Variants in ATP2C2 observed in about 807,000 individuals in gnomAD.
ATP2C2 encodes the protein calcium-transporting ATPase type 2C member 2.
ATP2C2 carries 171 observed loss-of-function variants against 110.8 expected under a neutral mutation model. The ratio of observed to expected loss-of-function variants is 1.54; its 90% CI spans 1.36 to 1.75. The LOEUF (loss-of-function observed/expected upper bound fraction) is 1.75, where lower values mean the gene tolerates loss of function less well. Ranked by LOEUF, ATP2C2 falls within the 40% of genes most tolerant of loss-of-function variation. The pLI is 0.00. For missense variants in ATP2C2, 1,963 were observed against 1,235.0 expected, an observed-to-expected ratio of 1.59 and a Z score of -8.84; for synonymous variants, 804 against 508.4, an observed-to-expected ratio of 1.58 and a Z score of -7.82.
At chr16:84,388,479 T>C (rs746716398) in intron 1 of ATP2C2, among the ~76,000 whole-genome samples, 18 of 152,268 alleles carry the variant, frequency 1.2e-4, no homozygotes, top group Middle Eastern at 3.4e-3. Context: ...TCTAACAATT[T>C]CCAGGTGATG....
chr16:84,398,387 C>G, intron 1 of ATP2C2, 112 bp from the exon 2 acceptor site: 1 of 516,044 alleles, frequency 1.9e-6, no homozygotes, highest in Admixed American at 4.1e-5. Context: ...GCCTGGGTGA[C>G]AGAGTGAGAC....
At chr16:84,437,691 T>C (rs1908870107) in intron 11 of ATP2C2, among the ~76,000 whole-genome samples, 1 of 152,170 alleles carries the variant, frequency 6.6e-6, no homozygotes, top group Non-Finnish European at 1.5e-5. Flanking sequence ...AATTTTTGTA[T>C]TTTTAGTAGA....
In ATP2C2 at chr16:84,460,705, T is replaced by G; in HGVS notation, c.2385T>G (p.Ser795Arg). Reference sequence around the variant, plus strand: ...ACGCCTTCAGGCAGCCACCACGGAGTGTGCGGGACACCATCCTCAGCAGAG... The same window carrying G: ...ACGCCTTCAGGCAGCCACCACGGAGGGTGCGGGACACCATCCTCAGCAGAG... ...DKDAFRQPPR[S>R]VRDTILSRAL... is the part of the protein sequence containing the mutation. Residue 795 changes from serine (S) to arginine (R), a missense_variant, in exon 24 of 27, where the codon AGT becomes AGG. Physicochemically the swap from Ser to Arg is moderately radical, Grantham distance 110. Transcript: ENST00000262429. 2 of 1,614,056 alleles carry G rather than the reference T, an allele frequency of 1.2e-6. No individual in the cohort carries two copies. Among genetic ancestry groups the G allele is most frequent in the Non-Finnish European group, 1.7e-6 (2 of 1,180,006 alleles).
At position 84,378,573 on chromosome 16, in the gene ATP2C2, G is replaced by C. The variant is rs143058116; in HGVS notation, c.99+9859G>C. Among the ~76,000 whole-genome samples the C allele has an allele frequency of 8.2e-3, 1,251 of 152,338 alleles. 3 individuals are homozygous for C. Among genetic ancestry groups the C allele is most frequent in the Non-Finnish European group, 0.013 (892 of 68,034 alleles). ...ATCAAAAAAGAGTAAGTGAGGGAAG[G>C]TGTTTAAAACTCTCTGCACAATGCC... On this transcript the variant is annotated intron_variant, in intron 1 of 26. Coordinates refer to ENST00000262429, the MANE Select transcript of ATP2C2 (RefSeq NM_014861.4).
At chr16:84,448,853 G>A (rs1285428275) in intron 17 of ATP2C2, among the ~76,000 whole-genome samples, 164 bp downstream of exon 17, 1 of 152,176 alleles carries the variant, frequency 6.6e-6, no homozygotes, top group African/African-American at 2.4e-5. Context: ...TCACATGAAA[G>A]GCACAGAGGT....
At chr16:84,409,153 C>G (rs557179587) in intron 4 of ATP2C2, among the ~76,000 whole-genome samples, 17 of 152,150 alleles carry the variant, frequency 1.1e-4, no homozygotes, top group Non-Finnish European at 2.1e-4. Context: ...TTTGCAGGGA[C>G]ATGGATGAAG....
intron 14 of ATP2C2, among the ~76,000 whole-genome samples, chr16:84,442,267 C>G (rs1052184474): frequency 5.9e-5 from 9 of 152,170 alleles, no homozygotes; most frequent in Non-Finnish European, 7.3e-5. Context: ...TTACCCCACA[C>G]TCGTCACCAC....
At chr16:84,397,981 A>C (rs1173747106) in intron 1 of ATP2C2, among the ~76,000 whole-genome samples, 7 of 151,844 alleles carry the variant, frequency 4.6e-5, no homozygotes, top group African/African-American at 1.7e-4. Flanking sequence ...CCCCTCAGGT[A>C]GGTAGGTTGG....
intron 11 of ATP2C2, among the ~76,000 whole-genome samples, chr16:84,435,118 C>T (rs192737287): frequency 3.3e-5 from 5 of 152,334 alleles, no homozygotes; most frequent in African/African-American, 7.2e-5. Context: ...TCTATTCAAA[C>T]TGCCTGTTTT....
chr16:84,414,972 G>A (rs1394626963), intron 6 of ATP2C2, among the ~76,000 whole-genome samples: 1 of 152,142 alleles, frequency 6.6e-6, no homozygotes, highest in Non-Finnish European at 1.5e-5. Context: ...ACGGGCAAGC[G>A]GCGGTGGTGT....
At chr16:84,422,599 A>C (rs1567713143) in intron 8 of ATP2C2, 30 bp from the exon 9 acceptor site, 1 of 1,610,994 alleles carries the variant, frequency 6.2e-7, no homozygotes, top group Non-Finnish European at 8.5e-7. Flanking sequence ...CAGCCCTTAG[A>C]TTTCATACTT....
chr16:84,458,632 G>T (rs1442785490), intron 21 of ATP2C2, among the ~76,000 whole-genome samples: 3 of 152,236 alleles, frequency 2.0e-5, no homozygotes, highest in Non-Finnish European at 4.4e-5. Context: ...CCCAGGTCAA[G>T]GTTTAAAAGG....
At chr16:84,421,795 G>A (rs551409983) in intron 7 of ATP2C2, among the ~76,000 whole-genome samples, 1 of 152,302 alleles carries the variant, frequency 6.6e-6, no homozygotes, top group Non-Finnish European at 1.5e-5. Context: ...TATGCAAAAT[G>A]GGGAAGATAG....
chr16:84,462,448 T>G (rs416236), intron 26 of ATP2C2: 143,418 of 267,094 alleles, frequency 0.54, 38,612 homozygotes, highest in South Asian at 0.6. Flanking sequence ...GCAAGGCCTG[T>G]ACTCAGCCTG....
intron 23 of ATP2C2, chr16:84,460,272 G>C: frequency 6.7e-6 from 2 of 299,072 alleles, no homozygotes; most frequent in Non-Finnish European, 1.3e-5. Context: ...GAGTTGGCTG[G>C]AGGCTGGTCT....
chr16:84,423,088 C>T lies in ATP2C2; in HGVS notation c.844-100C>T, dbSNP rs932341296. On this transcript the variant is annotated intron_variant, in intron 9 of 26. Transcript: ENST00000262429. Reference sequence around the variant, plus strand: ...TGACATATGTGTACCCCTGTGTAATCATCACTGAAGCTGTAGGATGGCAAG... The same window carrying T: ...TGACATATGTGTACCCCTGTGTAATTATCACTGAAGCTGTAGGATGGCAAG... The T allele has an allele frequency of 6.1e-6, 6 of 981,912 alleles. No individual in the cohort carries two copies. The African/African-American group carries it at 6.4e-5, about 10-fold the overall frequency. 60.8% of individuals were successfully genotyped at this position (981,912 alleles called of 1,614,324 possible).
In ATP2C2 at chr16:84,451,919, A is replaced by G. The variant is rs372770743; in HGVS notation, c.1661-2A>G. On this transcript the variant is annotated splice_acceptor_variant, in intron 17 of 26. Transcript: ENST00000262429. LOFTEE classifies it high-confidence loss of function. Reference sequence around the variant, plus strand: ...CCCTCCTTACTCCCCCTCTCTCCTCAGTGCTGGCCCTGGCTTCTGGGCCCG... The same window carrying G: ...CCCTCCTTACTCCCCCTCTCTCCTCGGTGCTGGCCCTGGCTTCTGGGCCCG... The G allele has an allele frequency of 6.2e-7, 1 of 1,612,392 alleles. No individual in the cohort carries two copies. Among genetic ancestry groups the G allele is most frequent in the Non-Finnish European group, 8.5e-7 (1 of 1,179,536 alleles).
At chr16:84,411,007 G>C in intron 6 of ATP2C2, 1 of 557,438 alleles carries the variant, frequency 1.8e-6, no homozygotes, top group East Asian at 3.1e-5. Flanking sequence ...TGCCTAGCCT[G>C]AGGACCACAG....
At chr16:84,436,887 C>G (rs565488681) in intron 11 of ATP2C2, among the ~76,000 whole-genome samples, 3 of 151,594 alleles carry the variant, frequency 2.0e-5, no homozygotes, top group Admixed American at 6.6e-5. Flanking sequence ...CTCAGCCTCC[C>G]GAGTAGCTGG....
Sources: allele counts gnomAD v4.1 joint callset (sites outside exome capture counted in the v4.1 genomes callset), GRCh38; gene constraint gnomAD v4.1.1; transcripts MANE v1.5; gene names NCBI Gene and HGNC (gene_info 2026-07-23, HGNC 2026-07-21).